The following CATSPERE variants were observed in gnomAD, a reference collection of about 807,000 sequenced individuals.
The protein encoded by CATSPERE is cation channel sperm-associated auxiliary subunit epsilon.
A neutral mutation model predicts 114.1 loss-of-function variants in CATSPERE; 93 were observed. That is an observed-to-expected ratio of 0.81 (90% CI 0.69 to 0.97). The LOEUF (loss-of-function observed/expected upper bound fraction) is 0.97, where lower values mean the gene tolerates loss of function less well. CATSPERE is among the 50% of genes least tolerant of loss of function. The probability of loss-of-function intolerance (pLI) is 0.00; values close to 1 mark genes in which losing one functional copy is unlikely to be tolerated. For missense variants in CATSPERE, 1,058 were observed against 1,131.6 expected (o/e 0.93, Z 0.93); for synonymous variants, 341 against 384.1 (o/e 0.89, Z 1.31).
intron 19 of CATSPERE, among the ~76,000 whole-genome samples, chr1:244,616,499 G>C (rs920729413): frequency 1.2e-4 from 18 of 152,332 alleles, no homozygotes; most frequent in Non-Finnish European, 1.6e-4. Flanking sequence ...AGGGTGGGAA[G>C]TCCAAGATCA....
intron 10 of CATSPERE, among the ~76,000 whole-genome samples, chr1:244,562,068 C>G (rs1662641674): frequency 6.8e-6 from 1 of 147,016 alleles, no homozygotes; most frequent in Non-Finnish European, 1.5e-5. Flanking sequence ...AGGAGGATCA[C>G]TTGAGCCCGG....
At chr1:244,546,765 G>A (rs1659822698) in intron 8 of CATSPERE, among the ~76,000 whole-genome samples, 1 of 151,992 alleles carries the variant, frequency 6.6e-6, no homozygotes, top group East Asian at 1.9e-4. Flanking sequence ...CCTGAAGACA[G>A]ATTACTTGAA....
chr1:244,639,947 G>A lies in CATSPERE; in HGVS notation c.2722G>A (p.Ala908Thr), dbSNP rs1476970233. ...LIPSPSVYLV[A>T]SFLFVLMLLF... is the part of the protein sequence containing the mutation. Reference sequence around the variant, plus strand: ...TTTCAGTCCAAGTGTCTACCTGGTAGCTTCTTTCCTCTTCGTCCTGATGCT... The same window carrying A: ...TTTCAGTCCAAGTGTCTACCTGGTAACTTCTTTCCTCTTCGTCCTGATGCT... The change falls in exon 22 of 22, where the codon GCT becomes ACT. Residue 908 changes from alanine to threonine, a missense_variant. By Grantham distance (58) the Ala-to-Thr change is moderately conservative. Coordinates refer to ENST00000366534, the MANE Select transcript of CATSPERE (RefSeq NM_001130957.2). The A allele has an allele frequency of 6.5e-7, 1 of 1,544,510 alleles. No homozygotes were observed. The highest frequency in any genetic ancestry group is 1.4e-5 in the African/African-American group (1 of 71,936).
intron 15 of CATSPERE, 38 bp downstream of exon 15, chr1:244,591,769 T>G: frequency 4.9e-6 from 6 of 1,216,712 alleles, no homozygotes; most frequent in Non-Finnish European, 7.2e-6. Flanking sequence ...AGTTTTATAT[T>G]AACGTAGTAC....
chr1:244,622,086 T>C (rs1408013436), intron 20 of CATSPERE, among the ~76,000 whole-genome samples: 1 of 152,236 alleles, frequency 6.6e-6, no homozygotes, highest in Non-Finnish European at 1.5e-5. Context: ...AGGCCTCCTC[T>C]AATTTTGTCA....
intron 8 of CATSPERE, among the ~76,000 whole-genome samples, chr1:244,520,174 T>C (rs1677287212): frequency 6.6e-6 from 1 of 151,762 alleles, no homozygotes; most frequent in South Asian, 2.1e-4. Flanking sequence ...CCTTTGGTTC[T>C]GTGTGCTTTG....
At chr1:244,516,335 TTTTGTTTGTTTG>T (rs57682756) in intron 7 of CATSPERE, among the ~76,000 whole-genome samples, 3 of 151,000 alleles carry the variant, frequency 2.0e-5, no homozygotes, top group Non-Finnish European at 4.4e-5. Context: ...ATCAAGAGAG[TTTTGTTTGTTTG>T]TTTGTTTGTT....
intron 2 of CATSPERE, among the ~76,000 whole-genome samples, chr1:244,469,809 T>C (rs1668186009): frequency 1.3e-5 from 2 of 152,198 alleles, no homozygotes; most frequent in African/African-American, 4.8e-5. Context: ...ATTTGAATAC[T>C]AAGCTTACTA....
chr1:244,593,971 T>C (rs1558559569), intron 17 of CATSPERE, among the ~76,000 whole-genome samples: 2 of 152,214 alleles, frequency 1.3e-5, no homozygotes, highest in Non-Finnish European at 2.9e-5. Context: ...GAAACTAGAT[T>C]GCCGACAAGT....
intron 20 of CATSPERE, among the ~76,000 whole-genome samples, chr1:244,621,313 A>ATTTATAT (rs1329667347): frequency 6.3e-5 from 5 of 78,912 alleles, no homozygotes; most frequent in African/African-American, 2.3e-4. Flanking sequence ...ATAAATATAT[A>ATTTATAT]AAATATATAT....
intron 6 of CATSPERE, among the ~76,000 whole-genome samples, chr1:244,494,286 A>G (rs1218168131): frequency 2.6e-4 from 40 of 151,938 alleles, no homozygotes; most frequent in South Asian, 4.2e-4. Context: ...AAAATGAAGA[A>G]TTCATGTCCT....
chr1:244,596,660 C>T (rs534349983), intron 17 of CATSPERE, among the ~76,000 whole-genome samples: 22 of 151,824 alleles, frequency 1.4e-4, no homozygotes, highest in Middle Eastern at 6.8e-3. Context: ...CTCACGCATG[C>T]GGGGCTTAAA....
intron 20 of CATSPERE, among the ~76,000 whole-genome samples, chr1:244,624,741 G>A (rs1159400264): frequency 6.6e-6 from 1 of 151,998 alleles, no homozygotes; most frequent in African/African-American, 2.4e-5. Flanking sequence ...GGCAGAGGCT[G>A]CAGTGAGCCG....
chr1:244,498,167 T>G (rs1391818596), intron 6 of CATSPERE, among the ~76,000 whole-genome samples: 2 of 152,210 alleles, frequency 1.3e-5, no homozygotes, highest in African/African-American at 4.8e-5. Context: ...CTCCATAATT[T>G]AGAATAACAT....
intron 2 of CATSPERE, among the ~76,000 whole-genome samples, chr1:244,474,127 G>T (rs561124425): frequency 4.5e-4 from 69 of 152,072 alleles, no homozygotes; most frequent in East Asian, 4.1e-3. Flanking sequence ...CGACTCCCAG[G>T]TTCAAGCAAT....
intron 8 of CATSPERE, among the ~76,000 whole-genome samples, chr1:244,545,810 C>T (rs188078848): frequency 5.8e-4 from 89 of 152,296 alleles, no homozygotes; most frequent in African/African-American, 1.7e-3. Context: ...CCCTAACAGG[C>T]CCTCAAGTGA....
chr1:244,600,450 G>A (rs1359411160), intron 17 of CATSPERE, among the ~76,000 whole-genome samples: 1 of 151,854 alleles, frequency 6.6e-6, no homozygotes, highest in East Asian at 1.9e-4. Flanking sequence ...TGAATTTGTA[G>A]GCAAAAACAT....
chr1:244,634,588 G>A (rs1674376307), intron 20 of CATSPERE, among the ~76,000 whole-genome samples: 2 of 152,186 alleles, frequency 1.3e-5, no homozygotes, highest in Non-Finnish European at 2.9e-5. Flanking sequence ...TTTTACAGAT[G>A]GAGCCCCTAA....
chr1:244,518,841 G>C, intron 8 of CATSPERE, 143 bp downstream of exon 8: 1 of 508,018 alleles, frequency 2.0e-6, no homozygotes, highest in Non-Finnish European at 3.4e-6. Context: ...TTGATAATCA[G>C]AACTAATTAC....
Sources: allele counts gnomAD v4.1 joint callset (sites outside exome capture counted in the v4.1 genomes callset), GRCh38; gene constraint gnomAD v4.1.1; transcripts MANE v1.5; gene names NCBI Gene and HGNC (gene_info 2026-07-23, HGNC 2026-07-21).